CALN1: variants seen among roughly 807,000 people sequenced by gnomAD.
The protein encoded by CALN1 is calneuron 1.
In CALN1, 17 loss-of-function variants were observed where a neutral mutation model predicts 30.6. That is an observed-to-expected ratio of 0.56 (90% confidence interval 0.38 to 0.83). The LOEUF is 0.83. Among genes scored for constraint, CALN1 ranks in the 40% least tolerant of loss-of-function variants. The pLI is 0.00. For missense variants in CALN1, 291 were observed against 354.9 expected, an observed-to-expected ratio of 0.82 and a Z score of 1.45; for synonymous variants, 156 against 131.4, an observed-to-expected ratio of 1.19 and a Z score of -1.28.
At chr7:72,270,957 C>T (rs1164684054) in intron 3 of CALN1, among the ~76,000 whole-genome samples, 1 of 152,022 alleles carries the variant, frequency 6.6e-6, no homozygotes, top group Non-Finnish European at 1.5e-5. Flanking sequence ...CAAGGCAATA[C>T]CAATGTGGTC....
chr7:72,298,280 G>A (rs1362581769), intron 2 of CALN1, among the ~76,000 whole-genome samples: 1 of 152,164 alleles, frequency 6.6e-6, no homozygotes, highest in Non-Finnish European at 1.5e-5. Flanking sequence ...ACTTTGCCCT[G>A]AAATAAGACG....
chr7:72,076,192 T>C (rs913309804), intron 4 of CALN1, among the ~76,000 whole-genome samples: 2 of 151,860 alleles, frequency 1.3e-5, no homozygotes, highest in African/African-American at 4.8e-5. Flanking sequence ...CTGGACTTAA[T>C]ACCTAGATCA....
At chr7:72,387,968 A>C (rs1234798740) in intron 2 of CALN1, among the ~76,000 whole-genome samples, 1 of 152,186 alleles carries the variant, frequency 6.6e-6, no homozygotes, top group East Asian at 1.9e-4. Context: ...ATTGCACAGT[A>C]AAGTGACTGT....
intron 2 of CALN1, among the ~76,000 whole-genome samples, chr7:72,361,971 A>AT (rs1172587504): frequency 3.3e-5 from 5 of 152,130 alleles, no homozygotes; most frequent in Admixed American, 6.6e-5. Flanking sequence ...TTTATTCATA[A>AT]TTTTTTTAAT....
At chr7:72,150,567 A>G (rs1486666437) in intron 3 of CALN1, among the ~76,000 whole-genome samples, 3 of 152,208 alleles carry the variant, frequency 2.0e-5, no homozygotes, top group Admixed American at 2.0e-4. Context: ...GCCATGTGGA[A>G]TGGAGTGGCA....
intron 5 of CALN1, among the ~76,000 whole-genome samples, chr7:71,948,465 T>C (rs1237481219): frequency 2.6e-5 from 4 of 152,022 alleles, no homozygotes; most frequent in East Asian, 1.9e-4. Flanking sequence ...ACGATTGGCT[T>C]ATGCCTGTAA....
chr7:71,942,826 C>G (rs112824445), intron 5 of CALN1, among the ~76,000 whole-genome samples: 1 of 152,126 alleles, frequency 6.6e-6, no homozygotes, highest in Non-Finnish European at 1.5e-5. Flanking sequence ...TTAGGGCAAA[C>G]CTGCCTCCCA....
chr7:72,398,437 T>C (rs1806118680), intron 2 of CALN1, among the ~76,000 whole-genome samples: 1 of 152,258 alleles, frequency 6.6e-6, no homozygotes, highest in African/African-American at 2.4e-5. Context: ...AAAAACACTT[T>C]GTTTGGAACA....
intron 4 of CALN1, chr7:72,103,278 C>T (rs1806826377): frequency 5.6e-6 from 1 of 177,258 alleles, no homozygotes. Context: ...TGGAAGACAC[C>T]ATCAATGAGT....
At chr7:71,950,532 C>T (rs1363313851) in intron 5 of CALN1, among the ~76,000 whole-genome samples, 1 of 152,168 alleles carries the variant, frequency 6.6e-6, no homozygotes, top group African/African-American at 2.4e-5. Flanking sequence ...ATAGCCCGAA[C>T]TGATCCTCTC....
chr7:72,465,021 T>C, the CALN1 span, among the ~76,000 whole-genome samples: 3 of 152,070 alleles, frequency 2.0e-5, no homozygotes, highest in African/African-American at 7.2e-5. Flanking sequence ...GAACACCCAC[T>C]GGTATGCTCA....
chr7:72,406,939 G>A (rs1178099233), intron 1 of CALN1, among the ~76,000 whole-genome samples: 1 of 152,022 alleles, frequency 6.6e-6, no homozygotes, highest in African/African-American at 2.4e-5. Flanking sequence ...CATTCCAATA[G>A]GTGACCTACC....
rs192548449 is a variant in CALN1 at position 72,348,125 on chromosome 7, A to G, written c.119+55126T>C. The stretch of plus-strand genomic sequence containing the variant: ...AACAGAGCGAGATTCTGTCTCAAAG[A>G]AAAAAAAGAAACTAACGGCAAAAAC... On this transcript the variant is annotated intron_variant, in intron 2 of 6. Transcript: ENST00000395275. Among the ~76,000 whole-genome samples, 147 of 152,218 alleles carry G rather than the reference A, an allele frequency of 9.7e-4. 1 individual carries two copies. Among genetic ancestry groups the G allele is most frequent in the Non-Finnish European group, 1.1e-3 (72 of 68,010 alleles).
intron 4 of CALN1, among the ~76,000 whole-genome samples, chr7:72,046,666 C>T (rs1367715679): frequency 2.9e-5 from 4 of 139,494 alleles, no homozygotes; most frequent in Non-Finnish European, 3.0e-5. Flanking sequence ...GCCGAGATCA[C>T]GCCATTGTAC....
chr7:72,151,078 G>A (rs913366566), intron 3 of CALN1, among the ~76,000 whole-genome samples: 2 of 152,008 alleles, frequency 1.3e-5, no homozygotes, highest in Non-Finnish European at 2.9e-5. Flanking sequence ...CCTGTAAGAC[G>A]ATCCTGTATC....
chr7:72,144,803 C>A (rs904839582), intron 3 of CALN1, among the ~76,000 whole-genome samples: 6 of 152,116 alleles, frequency 3.9e-5, no homozygotes, highest in Non-Finnish European at 8.8e-5. Flanking sequence ...CAAATTAGAA[C>A]TTAGGATTAA....
chr7:72,054,222 T>C (rs1382247347), intron 4 of CALN1, among the ~76,000 whole-genome samples: 2 of 151,980 alleles, frequency 1.3e-5, no homozygotes, highest in African/African-American at 4.8e-5. Flanking sequence ...ATCTCCACAC[T>C]GTTTTCCGTA....
chr7:72,320,361 G>A (rs1260394327), intron 2 of CALN1, among the ~76,000 whole-genome samples: 1 of 152,152 alleles, frequency 6.6e-6, no homozygotes, highest in African/African-American at 2.4e-5. Flanking sequence ...AAGTGCGGGA[G>A]GATTCAGGGA....
intron 5 of CALN1, among the ~76,000 whole-genome samples, chr7:71,975,734 TTTTA>T (rs758677566): frequency 5.9e-4 from 90 of 151,840 alleles, no homozygotes; most frequent in Middle Eastern, 3.4e-3. Context: ...CCGGCCTCTT[TTTTA>T]TTTAGTTTTT....
Sources: gnomAD v4.1 joint callset for allele counts (sites outside exome capture counted in the v4.1 genomes callset) on GRCh38, gnomAD v4.1.1 for gene constraint, MANE v1.5 for transcripts, NCBI Gene and HGNC (gene_info 2026-07-23, HGNC 2026-07-21) for gene names.